Variants in NRXN1 observed in about 807,000 individuals in gnomAD.
NRXN1 encodes the protein neurexin-1.
In NRXN1, 39 loss-of-function variants were observed where a neutral mutation model predicts 150.9. That is an observed-to-expected ratio of 0.26 (90% confidence interval 0.20 to 0.34). The LOEUF is 0.34. Among genes scored for constraint, NRXN1 ranks in the 10% least tolerant of loss-of-function variants. The pLI, the probability that NRXN1 is intolerant of heterozygous loss-of-function variation, is 1.00. For missense variants in NRXN1, 1,815 were observed against 1,949.9 expected, an observed-to-expected ratio of 0.93 and a Z score of 1.30; for synonymous variants, 924 against 757.0, an observed-to-expected ratio of 1.22 and a Z score of -3.62.
rs144922043 is a variant in NRXN1 at position 50,207,810 on chromosome 2, G to A, written c.3546+28979C>T. 2.8e-3 allele frequency: 452 copies of A among 162,032 alleles called. 1 individual carries two copies. Among genetic ancestry groups the A allele is most frequent in the Non-Finnish European group, 5.3e-3 (361 of 68,072 alleles). The allele number at this position is 162,032 out of a possible 1,614,324, so 10.0% of individuals were successfully genotyped here. A position where few individuals can be genotyped will look rare whatever the true frequency, so the allele number is the denominator to read the frequency against. ...TTGGGAAAGTTCTCTTAATATCTTG[G>A]CCCAAAGTTTACAGCTTTTTGGCCA... On this transcript the variant is annotated intron_variant, in intron 18 of 22. Coordinates refer to ENST00000401669, the MANE Select transcript of NRXN1 (RefSeq NM_001330078.2).
chr2:50,685,598 T>G (rs907434268), intron 5 of NRXN1, among the ~76,000 whole-genome samples: 1 of 152,176 alleles, frequency 6.6e-6, no homozygotes, highest in African/African-American at 2.4e-5. Context: ...CTCTTCTCAA[T>G]ATCCTCCAAT....
chr2:51,031,827 A>G (rs1671613995), intron 1 of NRXN1, among the ~76,000 whole-genome samples, 154 bp downstream of exon 1: 1 of 102,538 alleles, frequency 9.8e-6, no homozygotes, highest in African/African-American at 3.8e-5. Context: ...GCTTCATGCA[A>G]AACAACCAAG....
chr2:50,368,377 G>A (rs930823809), intron 17 of NRXN1, among the ~76,000 whole-genome samples: 1 of 151,932 alleles, frequency 6.6e-6, no homozygotes, highest in African/African-American at 2.4e-5. Context: ...CACAGTATGA[G>A]GAAGACCTAA....
intron 21 of NRXN1, among the ~76,000 whole-genome samples, chr2:49,968,235 C>T (rs1387447503): frequency 6.6e-6 from 1 of 151,902 alleles, no homozygotes; most frequent in Non-Finnish European, 1.5e-5. Flanking sequence ...CTCAATTATA[C>T]CCTAAGGGTC....
At chr2:50,724,760 A>ATG (rs932515057) in intron 5 of NRXN1, among the ~76,000 whole-genome samples, 3 of 151,990 alleles carry the variant, frequency 2.0e-5, no homozygotes, top group African/African-American at 7.3e-5. Context: ...AAGAATACAT[A>ATG]TGTGTGTGTG....
At chr2:50,483,464 G>C (rs910536332) in intron 15 of NRXN1, among the ~76,000 whole-genome samples, 10 of 152,160 alleles carry the variant, frequency 6.6e-5, no homozygotes, top group Non-Finnish European at 1.3e-4. Flanking sequence ...CTTGCCCCAA[G>C]TTCTTTCTTG....
At chr2:50,265,991 TA>T (rs1558408668) in intron 17 of NRXN1, among the ~76,000 whole-genome samples, 17 of 90,816 alleles carry the variant, frequency 1.9e-4, no homozygotes, top group South Asian at 6.3e-4. Context: ...TTATTATTAT[TA>T]TTATTATTTA....
chr2:50,772,427 A>C (rs1466744571), intron 5 of NRXN1, among the ~76,000 whole-genome samples: 2 of 152,028 alleles, frequency 1.3e-5, no homozygotes, highest in African/African-American at 4.8e-5. Context: ...CCTTTCTTAA[A>C]AAAAAATCAA....
Position 50,964,733 on chromosome 2 carries a change from G to A in NRXN1, c.773-38778C>T, listed in dbSNP as rs184701601. On this transcript the variant is annotated intron_variant, in intron 2 of 22. Coordinates refer to ENST00000401669, the MANE Select transcript of NRXN1 (RefSeq NM_001330078.2). Reference sequence around the variant, plus strand: ...GATATTCATAAATGCTTTATTTCAGGTGGAATTTTACCTTGAGATACAGCT... The same window carrying A: ...GATATTCATAAATGCTTTATTTCAGATGGAATTTTACCTTGAGATACAGCT... 5.3e-3 allele frequency among the ~76,000 whole-genome samples: 806 copies of A among 151,452 alleles called. 12 individuals are homozygous for A. Among genetic ancestry groups the A allele is most frequent in the Middle Eastern group, 6.8e-3 (2 of 292 alleles).
At chr2:50,155,538 C>A (rs1477970459) in intron 18 of NRXN1, among the ~76,000 whole-genome samples, 1 of 151,304 alleles carries the variant, frequency 6.6e-6, no homozygotes, top group East Asian at 1.9e-4. Flanking sequence ...TCTAAGAGTA[C>A]AAATTGTTAT....
intron 18 of NRXN1, among the ~76,000 whole-genome samples, chr2:50,200,394 G>C (rs1031152990): frequency 6.6e-6 from 1 of 152,058 alleles, no homozygotes; most frequent in African/African-American, 2.4e-5. Flanking sequence ...AGTCTTCTAA[G>C]ACATTAATAT....
intron 5 of NRXN1, among the ~76,000 whole-genome samples, chr2:50,639,223 T>TTTCTTTCTTTCTTTC (rs34532583): frequency 2.4e-4 from 26 of 110,354 alleles, no homozygotes; most frequent in African/African-American, 9.4e-4. Context: ...TCTTTCTTTC[T>TTTCTTTCTTTCTTTC]TTTTTTTTTT....
At position 49,957,480 on chromosome 2, in the gene NRXN1, C is replaced by T. The variant is rs145364749; in HGVS notation, c.4129-13689G>A. ...CACTGGACTCCCTAATCTTTAGAGA[C>T]AAACACACCCTTCACAGAGAAAGTA... On this transcript the variant is annotated intron_variant, in intron 21 of 22. Transcript: ENST00000401669. Among the ~76,000 whole-genome samples, 25 of 152,240 alleles carry T rather than the reference C, an allele frequency of 1.6e-4. No homozygotes were observed. The East Asian group carries it at 3.7e-3, about 22-fold the overall frequency.
intron 18 of NRXN1, among the ~76,000 whole-genome samples, chr2:50,191,988 T>C (rs2061474026): frequency 6.6e-6 from 1 of 152,112 alleles, no homozygotes; most frequent in Non-Finnish European, 1.5e-5. Context: ...TATATAAAAA[T>C]GTTTGGAGTA....
At chr2:50,302,228 A>T (rs963996431) in intron 17 of NRXN1, among the ~76,000 whole-genome samples, 2 of 152,162 alleles carry the variant, frequency 1.3e-5, no homozygotes, top group African/African-American at 4.8e-5. Context: ...GTATCAAGGA[A>T]TGAATCCTTG....
At chr2:50,367,144 G>A (rs1233445663) in intron 17 of NRXN1, among the ~76,000 whole-genome samples, 1 of 151,852 alleles carries the variant, frequency 6.6e-6, no homozygotes, top group African/African-American at 2.4e-5. Context: ...TAATACAGGA[G>A]CCCATTAGAA....
intron 5 of NRXN1, among the ~76,000 whole-genome samples, chr2:50,638,295 C>T (rs1303799745): frequency 6.6e-6 from 1 of 152,094 alleles, no homozygotes; most frequent in Non-Finnish European, 1.5e-5. Flanking sequence ...TAGTTAGTTC[C>T]AATGACCAGT....
chr2:50,656,982 A>G (rs1432511440), intron 5 of NRXN1, among the ~76,000 whole-genome samples: 2 of 152,050 alleles, frequency 1.3e-5, no homozygotes, highest in Admixed American at 1.3e-4. Flanking sequence ...TAAGTTTTCC[A>G]CCTTCCTTGA....
intron 17 of NRXN1, among the ~76,000 whole-genome samples, chr2:50,427,979 G>A (rs1335409691): frequency 1.3e-5 from 2 of 152,154 alleles, no homozygotes; most frequent in Non-Finnish European, 2.9e-5. Flanking sequence ...AGAAGAATTA[G>A]AAATAGGTAG....
Sources: gnomAD v4.1 joint callset for allele counts (sites outside exome capture counted in the v4.1 genomes callset) on GRCh38, gnomAD v4.1.1 for gene constraint, MANE v1.5 for transcripts, NCBI Gene and HGNC (gene_info 2026-07-23, HGNC 2026-07-21) for gene names.